IMPDH1: variants seen among roughly 807,000 people sequenced by gnomAD.
The protein encoded by IMPDH1 is inosine-5'-monophosphate dehydrogenase 1.
In IMPDH1, 41 loss-of-function variants were observed where a neutral mutation model predicts 73.5. The observed-to-expected ratio is 0.56, with a 90% confidence interval of 0.43 to 0.72. The LOEUF (loss-of-function observed/expected upper bound fraction) is 0.72, where lower values mean the gene tolerates loss of function less well. Ranked by LOEUF, IMPDH1 falls within the 30% of genes least tolerant of loss-of-function variation. The pLI is 0.00. For synonymous variants in IMPDH1, 318 were observed against 334.3 expected (o/e 0.95, Z 0.53); for missense variants, 645 against 824.8 (o/e 0.78, Z 2.67).
chr7:128,394,852 G>A lies in IMPDH1; in HGVS notation c.1550+37C>T. 1 of 1,609,508 alleles carries A rather than the reference G, an allele frequency of 6.2e-7. No individual in the cohort carries two copies. On this transcript the variant is annotated intron_variant, in intron 14 of 16. Transcript: ENST00000338791. The surrounding 1 kb of genome is among the most constrained non-coding windows in gnomAD (Gnocchi z 5.5). ...CATGAGCGGGCCCTGAAGGGTTGTGGGCTGATCTGCCCAGGTGGGGCCCAG... is the reference window on the plus strand; with the variant it reads ...CATGAGCGGGCCCTGAAGGGTTGTGAGCTGATCTGCCCAGGTGGGGCCCAG...
Position 128,398,531 on chromosome 7 carries a change from AG to A in IMPDH1, c.956del (p.Pro319LeufsTer38). 6.2e-7 allele frequency: 1 copy of A among 1,613,626 alleles called. No individual in the cohort carries two copies. Among genetic ancestry groups the A allele is most frequent in the Non-Finnish European group, 8.5e-7 (1 of 1,179,790 alleles). ...GCTTCTGGGAATCCTTGGAGGCCAG[AG>A]GGTAGTCTCGGTTCTTCTTCAGGTC... is the stretch of plus-strand genomic sequence containing the variant. The part of the protein sequence containing the change: ...RTDLKKNRDY[P>X]LASKDSQKQL... On this transcript the variant is annotated frameshift_variant, in exon 10 of 17. Coordinates refer to ENST00000338791, the MANE Select transcript of IMPDH1 (RefSeq NM_000883.4). LOFTEE classifies it high-confidence loss of function. This position sits in a 1 kb window ranked among gnomAD's most constrained non-coding sequence, Gnocchi z 4.3.
rs962820186 is a variant in IMPDH1, at chr7:128,393,066, GTGTGGA to G, written c.1779-44_1779-39del. The G allele has an allele frequency of 3.1e-6, 5 of 1,612,222 alleles. No homozygotes were observed. In the African/African-American group the frequency reaches 5.3e-5, roughly 17 times the overall value. On this transcript the variant is annotated intron_variant, in intron 16 of 16. Coordinates refer to ENST00000338791, the MANE Select transcript of IMPDH1 (RefSeq NM_000883.4). Reference sequence around the variant, plus strand: ...GGCAAGAGGGGGAACAAGAGTGGGTGTGTGGACCCTGCTCCTTCCCAAAACCCTTTC... The same window carrying G: ...GGCAAGAGGGGGAACAAGAGTGGGTGCCCTGCTCCTTCCCAAAACCCTTTC...
rs1019936136 is a variant in IMPDH1 at position 128,396,867 on chromosome 7, G to A, written c.1165+65C>T. ...CATACCATCACCTAGGGATGCTGAA[G>A]GACAGAAAAGGGTTACTCATTGGAG... On this transcript the variant is annotated intron_variant, in intron 11 of 16. Transcript: ENST00000338791. This position sits in a 1 kb window ranked among gnomAD's most constrained non-coding sequence, Gnocchi z 4.0. 2.3e-6 allele frequency: 3 copies of A among 1,290,934 alleles called. No homozygotes were observed. Among genetic ancestry groups the A allele is most frequent in the Non-Finnish European group, 3.4e-6 (3 of 886,754 alleles). The allele number at this position is 1,290,934 out of a possible 1,614,324, so 80.0% of individuals were successfully genotyped here. A position where few individuals can be genotyped will look rare whatever the true frequency, so the allele number is the denominator to read the frequency against.
intron 3 of IMPDH1, among the ~76,000 whole-genome samples, chr7:128,406,130 C>G (rs1218690050): frequency 6.7e-6 from 1 of 150,116 alleles, no homozygotes; most frequent in African/African-American, 2.4e-5. Flanking sequence ...CCGCGCCGCG[C>G]GCACGCCCCC....
intron 9 of IMPDH1, among the ~76,000 whole-genome samples, chr7:128,399,243 G>C (rs896996671): frequency 2.6e-5 from 4 of 151,436 alleles, no homozygotes; most frequent in African/African-American, 9.7e-5. Flanking sequence ...GTGTGTGCCT[G>C]TTGTCCCAAC....
chr7:128,397,849 T>C (rs1034343814), intron 10 of IMPDH1, among the ~76,000 whole-genome samples: 6 of 152,192 alleles, frequency 3.9e-5, no homozygotes, highest in Non-Finnish European at 8.8e-5. Flanking sequence ...TCGAAAACTG[T>C]GTCTGATAGC....
At chr7:128,404,045 A>G (rs1798530391) in intron 4 of IMPDH1, among the ~76,000 whole-genome samples, 1 of 152,252 alleles carries the variant, frequency 6.6e-6, no homozygotes, top group Admixed American at 6.5e-5. Flanking sequence ...GAGTTTGTCA[A>G]GCGACACAGA....
chr7:128,403,059 C>G (rs13312278), intron 5 of IMPDH1, among the ~76,000 whole-genome samples: 50,180 of 151,896 alleles, frequency 0.33, 8,356 homozygotes, highest in East Asian at 0.36. Context: ...AATAAGGCAG[C>G]CACTCCCAAG....
chr7:128,409,640 G>A (rs1799007055), intron 1 of IMPDH1, 116 bp downstream of exon 1: 14 of 1,512,932 alleles, frequency 9.3e-6, no homozygotes, highest in African/African-American at 1.4e-5. Flanking sequence ...CGGTAATAGG[G>A]GAAGGGTTTG....
At chr7:128,399,253 C>G (rs1320459268) in intron 9 of IMPDH1, among the ~76,000 whole-genome samples, 1 of 151,180 alleles carries the variant, frequency 6.6e-6, no homozygotes, top group Non-Finnish European at 1.5e-5. Context: ...GTTGTCCCAA[C>G]TACTCGGGAG....
rs1797926476 is a variant in IMPDH1, at chr7:128,396,547, A to G, written c.1261+53T>C. On this transcript the variant is annotated intron_variant, in intron 12 of 16. Transcript: ENST00000338791. The surrounding 1 kb of genome is among the most constrained non-coding windows in gnomAD (Gnocchi z 4.0). ...AGAGTACTTGATATACATCTGGGGA[A>G]CAAAGGCGAGGCCCCGGGGCCAGCG... The G allele has an allele frequency of 7.7e-7, 1 of 1,293,730 alleles. No individual in the cohort carries two copies. The highest frequency in any genetic ancestry group is 1.3e-5 in the South Asian group (1 of 79,032). The allele number at this position is 1,293,730 out of a possible 1,614,324, so 80.1% of individuals were successfully genotyped here. A position where few individuals can be genotyped will look rare whatever the true frequency, so the allele number is the denominator to read the frequency against.
chr7:128,394,460 G>A lies in IMPDH1; in HGVS notation c.1690C>T (p.Leu564Phe). The A allele has an allele frequency of 1.2e-6, 2 of 1,614,126 alleles. No homozygotes were observed. Among genetic ancestry groups the A allele is most frequent in the African/African-American group, 2.7e-5 (2 of 75,054 alleles). The change falls in exon 15 of 17, where the codon CTT becomes TTT. Residue 564 changes from leucine to phenylalanine, a missense_variant. Physicochemically the swap from Leu to Phe is conservative, Grantham distance 22. Around this residue, in one of 2 missense-constraint regions of IMPDH1, gnomAD observed 459 missense variants for 638.2 expected, o/e 0.72. Coordinates refer to ENST00000338791, the MANE Select transcript of IMPDH1 (RefSeq NM_000883.4). This position sits in a 1 kb window ranked among gnomAD's most constrained non-coding sequence, Gnocchi z 5.5. ...QDIGARSLSV[L>F]RSMMYSGELK... ...ACCCCCAGTCTCAGCACTCACCGAA[G>A]GACAGACAGGCTGCGGGCCCCGATA...
intron 7 of IMPDH1, 137 bp downstream of exon 7, chr7:128,400,680 G>T: frequency 8.5e-7 from 1 of 1,180,378 alleles, no homozygotes; most frequent in Non-Finnish European, 1.3e-6. Flanking sequence ...GGAAAATGAG[G>T]GCTCGGCCCC....
At position 128,400,318 on chromosome 7, in the gene IMPDH1, C is replaced by A. The variant is rs779325084; in HGVS notation, c.786+15G>T. On this transcript the variant is annotated intron_variant, in intron 8 of 16. Transcript: ENST00000338791. Reference sequence around the variant, plus strand: ...CTCTCTACACCCAGCCCTGCTTCCCCTGCCCTGCAGGTACCTCACTGAGGA... The same window carrying A: ...CTCTCTACACCCAGCCCTGCTTCCCATGCCCTGCAGGTACCTCACTGAGGA... The A allele has an allele frequency of 6.7e-5, 108 of 1,612,790 alleles. 3 individuals carry two copies. The South Asian group carries it at 1.2e-3, about 18-fold the overall frequency.
In IMPDH1 at chr7:128,400,465, G is replaced by A. The variant is rs878879340; in HGVS notation, c.654C>T (p.Ala218=). 2.5e-6 allele frequency: 4 copies of A among 1,612,418 alleles called. No homozygotes were observed. In the South Asian group the frequency reaches 4.4e-5, roughly 18 times the overall value. ...PSHTVGDVLE[A]KMRHGFSGIP... ...TGCCAGAGAAGCCATGCCGCATCTT[G>A]GCCTCCAGCACATCGCCCACAGTGT... Residue 218 remains alanine, a synonymous_variant, in exon 8 of 17, where the codon GCC becomes GCT. Coordinates refer to ENST00000338791, the MANE Select transcript of IMPDH1 (RefSeq NM_000883.4).
At chr7:128,402,551 G>A (rs1220959810) in intron 5 of IMPDH1, among the ~76,000 whole-genome samples, 3 of 152,170 alleles carry the variant, frequency 2.0e-5, no homozygotes, top group Non-Finnish European at 2.9e-5. Context: ...AGAATCATTC[G>A]AATTTCCCCC....
rs1797625194 is a variant in IMPDH1, at chr7:128,392,847, G to A, written c.*160C>T. Reference sequence around the variant, plus strand: ...GACTCTGCAGGGGATGCCGAGTGAGGGGCAGCAGTCCCCTCAGGACCTCCC... The same window carrying A: ...GACTCTGCAGGGGATGCCGAGTGAGAGGCAGCAGTCCCCTCAGGACCTCCC... On this transcript the variant is annotated 3_prime_UTR_variant, in exon 17 of 17. Transcript: ENST00000338791. 2 of 697,560 alleles carry A rather than the reference G, an allele frequency of 2.9e-6. No homozygotes were observed. The highest frequency in any genetic ancestry group is 1.8e-5 in the African/African-American group (1 of 57,134). The allele number at this position is 697,560 out of a possible 1,614,324, so 43.2% of individuals were successfully genotyped here. A position where few individuals can be genotyped will look rare whatever the true frequency, so the allele number is the denominator to read the frequency against.
chr7:128,397,077 G>T, intron 10 of IMPDH1, 55 bp from the exon 11 acceptor site: 1 of 1,246,812 alleles, frequency 8.0e-7, no homozygotes, highest in Non-Finnish European at 1.2e-6. Flanking sequence ...TCTCAAGGCA[G>T]GAGGGAGAGC....
chr7:128,400,563 A>C lies in IMPDH1; in HGVS notation c.580-24T>G, dbSNP rs776669423. 4.4e-6 allele frequency: 7 copies of C among 1,602,356 alleles called. No homozygotes were observed. In the South Asian group the frequency reaches 6.7e-5, roughly 15 times the overall value. On this transcript the variant is annotated intron_variant, in intron 7 of 16. Coordinates refer to ENST00000338791, the MANE Select transcript of IMPDH1 (RefSeq NM_000883.4). The stretch of plus-strand genomic sequence containing the variant: ...TTCTGCGGGCAGAGATGGGGGAGGA[A>C]AAGGCTGGAAGAAAGCCAGGGATGA...
Sources: gnomAD v4.1 joint callset for allele counts (sites outside exome capture counted in the v4.1 genomes callset) on GRCh38, gnomAD v4.1.1 for gene constraint, gnomAD v4.1.1 regional missense constraint, Gnocchi (gnomAD v3.1) non-coding constraint, MANE v1.5 for transcripts, NCBI Gene and HGNC (gene_info 2026-07-23, HGNC 2026-07-21) for gene names.